Variants in FAM107B observed in about 807,000 individuals in gnomAD.
FAM107B encodes the protein family with sequence similarity 107 member B, also known as protein FAM107B.
Under a neutral mutation model 31.5 loss-of-function variants are expected in FAM107B, and 21 were observed. The ratio of observed to expected loss-of-function variants is 0.67; its 90% CI spans 0.47 to 0.96. The LOEUF is 0.96. FAM107B is among the 40% of genes least tolerant of loss of function. The probability of loss-of-function intolerance (pLI) is 0.00; values close to 1 mark genes in which losing one functional copy is unlikely to be tolerated. For synonymous variants in FAM107B, 157 were observed against 141.5 expected, an observed-to-expected ratio of 1.11 and a Z score of -0.78; for missense variants, 452 against 377.1, an observed-to-expected ratio of 1.20 and a Z score of -1.64.
At chr10:14,739,409 C>A (rs982107295) in intron 1 of FAM107B, among the ~76,000 whole-genome samples, 6 of 152,152 alleles carry the variant, frequency 3.9e-5, no homozygotes, top group Admixed American at 2.6e-4. Context: ...GGGACAGACT[C>A]CACAGTTGTA....
intron 2 of FAM107B, among the ~76,000 whole-genome samples, chr10:14,639,933 C>T (rs1163347002): frequency 1.3e-5 from 2 of 152,198 alleles, no homozygotes; most frequent in Non-Finnish European, 2.9e-5. Flanking sequence ...AACTTTAAGA[C>T]TCAGCTGAAA....
At chr10:14,716,692 A>C (rs925017067) in intron 1 of FAM107B, among the ~76,000 whole-genome samples, 1 of 152,168 alleles carries the variant, frequency 6.6e-6, no homozygotes, top group African/African-American at 2.4e-5. Flanking sequence ...ACAGGTTTGA[A>C]TCTTGGCTCC....
intron 2 of FAM107B, among the ~76,000 whole-genome samples, chr10:14,585,917 G>A (rs776482236): frequency 5.9e-5 from 9 of 152,094 alleles, no homozygotes; most frequent in East Asian, 1.9e-4. Context: ...GACCAGGCTC[G>A]TCCCAAACCA....
At chr10:14,653,063 G>T (rs975942488) in intron 2 of FAM107B, among the ~76,000 whole-genome samples, 2 of 152,146 alleles carry the variant, frequency 1.3e-5, no homozygotes, top group African/African-American at 4.8e-5. Context: ...AACCAAGAAG[G>T]CAAAACTCGC....
intron 2 of FAM107B, among the ~76,000 whole-genome samples, chr10:14,660,809 A>G (rs1202925017): frequency 6.6e-6 from 1 of 152,184 alleles, no homozygotes; most frequent in Non-Finnish European, 1.5e-5. Flanking sequence ...AACCCATAGA[A>G]GGCTCTAGAA....
chr10:14,639,439 G>C (rs1853578928), intron 2 of FAM107B, among the ~76,000 whole-genome samples: 1 of 152,140 alleles, frequency 6.6e-6, no homozygotes, highest in African/African-American at 2.4e-5. Flanking sequence ...GATTTGAAAA[G>C]CTGCCTGATT....
chr10:14,710,429 A>AAC (rs1337029424), intron 1 of FAM107B, among the ~76,000 whole-genome samples: 78 of 102,916 alleles, frequency 7.6e-4, no homozygotes, highest in Admixed American at 3.5e-3. Flanking sequence ...TGTCTCTAAA[A>AAC]ATACACACAC....
chr10:14,619,075 C>T (rs1475422784), intron 2 of FAM107B, among the ~76,000 whole-genome samples: 2 of 152,122 alleles, frequency 1.3e-5, no homozygotes, highest in East Asian at 3.9e-4. Flanking sequence ...AGGAAACTCT[C>T]CTATAACCTT....
At chr10:14,663,188 T>C (rs1854293971) in intron 2 of FAM107B, among the ~76,000 whole-genome samples, 1 of 152,214 alleles carries the variant, frequency 6.6e-6, no homozygotes, top group South Asian at 2.1e-4. Context: ...ACTTTTGAGA[T>C]TTTGGGTTTG....
At chr10:14,694,529 A>T (rs1283937007) in intron 1 of FAM107B, among the ~76,000 whole-genome samples, 1 of 152,022 alleles carries the variant, frequency 6.6e-6, no homozygotes. Flanking sequence ...GATTACAGGC[A>T]TGCGCCACTA....
At chr10:14,611,052 TCA>T (rs1444755994) in intron 2 of FAM107B, among the ~76,000 whole-genome samples, 7 of 152,220 alleles carry the variant, frequency 4.6e-5, no homozygotes, top group African/African-American at 1.7e-4. Flanking sequence ...CAGCTGTTAC[TCA>T]CATAAACGAC....
chr10:14,629,484 CAT>C (rs1853291480), intron 2 of FAM107B, among the ~76,000 whole-genome samples: 1 of 100,918 alleles, frequency 9.9e-6, no homozygotes, highest in Non-Finnish European at 1.8e-5. Flanking sequence ...ATATATATAA[CAT>C]ATATAATATA....
chr10:14,650,582 G>A (rs7073649), intron 2 of FAM107B, among the ~76,000 whole-genome samples: 4,429 of 152,146 alleles, frequency 0.029, 215 homozygotes, highest in African/African-American at 0.1. Context: ...CACCGCGCCC[G>A]GCCTCTCGAT....
chr10:14,650,419 G>A (rs1853868778), intron 2 of FAM107B, among the ~76,000 whole-genome samples: 7 of 151,924 alleles, frequency 4.6e-5, no homozygotes. Context: ...CCTAGTAGCT[G>A]GGATTACAGG....
At chr10:14,753,653 A>C (rs1035465047) in intron 1 of FAM107B, among the ~76,000 whole-genome samples, 1 of 152,214 alleles carries the variant, frequency 6.6e-6, no homozygotes, top group Non-Finnish European at 1.5e-5. Flanking sequence ...GGAATGAAAT[A>C]AAAAGTTAAG....
At chr10:14,635,390 A>C (rs1853472385) in intron 2 of FAM107B, among the ~76,000 whole-genome samples, 1 of 152,216 alleles carries the variant, frequency 6.6e-6, no homozygotes, top group African/African-American at 2.4e-5. Flanking sequence ...AAAGAACTAA[A>C]TGGAGATTTT....
At chr10:14,730,276 A>T (rs1856142960) in intron 1 of FAM107B, among the ~76,000 whole-genome samples, 1 of 152,236 alleles carries the variant, frequency 6.6e-6, no homozygotes, top group African/African-American at 2.4e-5. Context: ...TCACATGGGC[A>T]TCAGGATTTT....
intron 1 of FAM107B, among the ~76,000 whole-genome samples, chr10:14,748,983 G>A (rs1832777577): frequency 6.6e-6 from 1 of 152,172 alleles, no homozygotes; most frequent in Non-Finnish European, 1.5e-5. Flanking sequence ...CAGGGTGTAA[G>A]AATAGATCTG....
intron 1 of FAM107B, among the ~76,000 whole-genome samples, chr10:14,738,644 C>T (rs2131569625): frequency 6.6e-6 from 1 of 152,326 alleles, no homozygotes; most frequent in South Asian, 2.1e-4. Context: ...AGGTCAACAG[C>T]ACCTGCGGGA....
Sources: gnomAD v4.1 joint callset for allele counts (sites outside exome capture counted in the v4.1 genomes callset) on GRCh38, gnomAD v4.1.1 for gene constraint, MANE v1.5 for transcripts, NCBI Gene and HGNC (gene_info 2026-07-23, HGNC 2026-07-21) for gene names.